NPIPB2: variants seen among roughly 807,000 people sequenced by gnomAD.
NPIPB2 encodes the protein nuclear pore complex-interacting protein family member B2.
A neutral mutation model predicts 30.8 loss-of-function variants in NPIPB2; 27 were observed. That is an observed-to-expected ratio of 0.88 (90% CI 0.65 to 1.21). The LOEUF (loss-of-function observed/expected upper bound fraction) is 1.21, where lower values mean the gene tolerates loss of function less well. Among genes scored for constraint, NPIPB2 ranks in the 50% most tolerant of loss-of-function variants. The pLI, the probability that NPIPB2 is intolerant of heterozygous loss-of-function variation, is 0.00. For synonymous variants in NPIPB2, 147 were observed against 162.0 expected, an observed-to-expected ratio of 0.91 and a Z score of 0.70; for missense variants, 440 against 446.2, an observed-to-expected ratio of 0.99 and a Z score of 0.13.
At chr16:11,952,381 A>G (rs1255048393) in intron 1 of NPIPB2, among the ~76,000 whole-genome samples, 4 of 151,392 alleles carry the variant, frequency 2.6e-5, no homozygotes, top group African/African-American at 9.7e-5. Context: ...AAAAAAAGAA[A>G]CCCCTGGAGT....
At chr16:11,947,538 G>A (rs1018286181) in intron 1 of NPIPB2, among the ~76,000 whole-genome samples, 4 of 151,408 alleles carry the variant, frequency 2.6e-5, no homozygotes, top group African/African-American at 9.7e-5. Context: ...TAGAGACGGG[G>A]TTTCACCGTA....
At chr16:11,943,990 T>C, upstream of NPIPB2, among the ~76,000 whole-genome samples, 2 of 1,274 alleles carry the variant, frequency 1.6e-3, no homozygotes, top group Non-Finnish European at 0.01. Flanking sequence ...AGAGCAAGAC[T>C]CTGTCTCAAA....
At chr16:11,967,216 G>T in intron 1 of NPIPB2, 1 of 214,106 alleles carries the variant, frequency 4.7e-6, no homozygotes, top group Non-Finnish European at 9.5e-6. Context: ...TGGCCAGGAT[G>T]GTCTCAAGCT....
rs766087820 is a variant in NPIPB2 at position 11,934,226 on chromosome 16, TCA to T, written c.193-304_193-303del. ...GCCTGAGAGACAGAATGAGACTCTG[TCA>T]CACACACACACACACACACACACAC... On this transcript the variant is annotated intron_variant, in intron 2 of 7. Coordinates refer to ENST00000399147, the Ensembl canonical transcript of NPIPB2. 7.0e-3 allele frequency among the ~76,000 whole-genome samples: 848 copies of T among 121,796 alleles called. 8 individuals carry two copies. Among genetic ancestry groups the T allele is most frequent in the East Asian group, 0.027 (117 of 4,298 alleles). The allele number at this position is 121,796 out of a possible 152,430, so 79.9% of individuals were successfully genotyped here. A position where few individuals can be genotyped will look rare whatever the true frequency, so the allele number is the denominator to read the frequency against.
chr16:11,939,303 T>C (rs993277836), intron 1 of NPIPB2, among the ~76,000 whole-genome samples: 13 of 151,950 alleles, frequency 8.6e-5, no homozygotes, highest in African/African-American at 1.7e-4. Flanking sequence ...GGCTCACGCC[T>C]GCAATCCCAG....
intron 1 of NPIPB2, among the ~76,000 whole-genome samples, chr16:11,938,261 C>T (rs1393739945): frequency 6.6e-6 from 1 of 152,192 alleles, no homozygotes; most frequent in East Asian, 1.9e-4. Flanking sequence ...GGTGATCTGC[C>T]TGCCTCAGCC....
At chr16:11,937,018 T>C (rs988155970) in intron 2 of NPIPB2, among the ~76,000 whole-genome samples, 7 of 151,910 alleles carry the variant, frequency 4.6e-5, no homozygotes, top group African/African-American at 1.4e-4. Flanking sequence ...TCTCCATCTA[T>C]CTCCCTCTCC....
chr16:11,975,838 A>G (rs2150950483), intron 1 of NPIPB2, among the ~76,000 whole-genome samples: 1 of 151,208 alleles, frequency 6.6e-6, no homozygotes, highest in African/African-American at 2.4e-5. Flanking sequence ...TGATTCACCC[A>G]CCTTGGCCTC....
At chr16:11,927,394 T>C in exon 8 of NPIPB2, 2 of 938,386 alleles carry the variant, frequency 2.1e-6, no homozygotes, top group East Asian at 2.6e-5. Flanking sequence ...TGCAATGGCC[T>C]GTTCTCAGCT....
At chr16:11,974,324 C>A (rs932016951) in intron 1 of NPIPB2, among the ~76,000 whole-genome samples, 1 of 152,068 alleles carries the variant, frequency 6.6e-6, no homozygotes, top group Non-Finnish European at 1.5e-5. Flanking sequence ...TCAAGGCTGA[C>A]CAACATGGTG....
At chr16:11,963,197 C>G (rs190934277) in intron 1 of NPIPB2, among the ~76,000 whole-genome samples, 1 of 152,058 alleles carries the variant, frequency 6.6e-6, no homozygotes, top group African/African-American at 2.4e-5. Flanking sequence ...CTGACCAACA[C>G]GGTGAAACCC....
At chr16:11,936,364 G>A (rs1318491951) in intron 2 of NPIPB2, among the ~76,000 whole-genome samples, 2 of 150,814 alleles carry the variant, frequency 1.3e-5, no homozygotes, top group Non-Finnish European at 3.0e-5. Flanking sequence ...AAAATTCTCT[G>A]TTCAGGACTA....
chr16:11,934,768 A>G (rs1432389163), intron 2 of NPIPB2, among the ~76,000 whole-genome samples: 2 of 144,272 alleles, frequency 1.4e-5, no homozygotes, highest in African/African-American at 5.1e-5. Context: ...CTGAGGCAGG[A>G]GAACTGCTTG....
At chr16:11,947,782 C>T (rs2055026110) in intron 1 of NPIPB2, among the ~76,000 whole-genome samples, 1 of 151,488 alleles carries the variant, frequency 6.6e-6, no homozygotes, top group African/African-American at 2.4e-5. Flanking sequence ...GATTTATTGG[C>T]CCAAGGTGTG....
intron 2 of NPIPB2, among the ~76,000 whole-genome samples, chr16:11,937,243 T>A (rs2054879625): frequency 6.6e-6 from 1 of 152,286 alleles, no homozygotes; most frequent in African/African-American, 2.4e-5. Flanking sequence ...TTAGAAAGAA[T>A]TTCCTATTTA....
chr16:11,955,160 C>A (rs1378671577), intron 1 of NPIPB2, among the ~76,000 whole-genome samples: 2 of 151,882 alleles, frequency 1.3e-5, no homozygotes, highest in Admixed American at 1.3e-4. Flanking sequence ...CCGAGACCAG[C>A]CTGGCCAACG....
upstream of NPIPB2, among the ~76,000 whole-genome samples, chr16:11,946,687 C>A (rs568286790): frequency 1.3e-3 from 202 of 151,900 alleles, 2 homozygotes; most frequent in African/African-American, 4.7e-3. Context: ...CCCACATTGC[C>A]GGTAGGAAAG....
intron 1 of NPIPB2, among the ~76,000 whole-genome samples, chr16:11,960,872 CTT>C (rs561398049): frequency 3.5e-5 from 5 of 143,804 alleles, no homozygotes; most frequent in Admixed American, 7.0e-5. Flanking sequence ...TCTTTCTTTT[CTT>C]TTTTTTTTTT....
intron 1 of NPIPB2, chr16:11,968,107 C>T (rs2055210577): frequency 2.3e-6 from 1 of 426,720 alleles, no homozygotes. Flanking sequence ...TAAAAACAAG[C>T]ATGTATACCA....
Sources: gnomAD v4.1 joint callset for allele counts (sites outside exome capture counted in the v4.1 genomes callset) on GRCh38, gnomAD v4.1.1 for gene constraint, MANE v1.5 for transcripts, NCBI Gene and HGNC (gene_info 2026-07-23, HGNC 2026-07-21) for gene names.